CERS6: variants seen among roughly 807,000 people sequenced by gnomAD.
The protein encoded by CERS6 is LAG1 homolog, ceramide synthase 6.
A neutral mutation model predicts 56.8 loss-of-function variants in CERS6; 26 were observed. The ratio of observed to expected loss-of-function variants is 0.46; its 90% CI spans 0.34 to 0.63. The LOEUF (loss-of-function observed/expected upper bound fraction) is 0.63, where lower values mean the gene tolerates loss of function less well. CERS6 is among the 30% of genes least tolerant of loss of function. The pLI, the probability that CERS6 is intolerant of heterozygous loss-of-function variation, is 0.01. For synonymous variants in CERS6, 164 were observed against 173.3 expected (o/e 0.95, Z 0.42); for missense variants, 415 against 467.5 (o/e 0.89, Z 1.04).
intron 8 of CERS6, among the ~76,000 whole-genome samples, chr2:168,737,999 AAC>A (rs879589769): frequency 2.0e-5 from 3 of 152,216 alleles, no homozygotes; most frequent in Non-Finnish European, 4.4e-5. Flanking sequence ...TATAGATGCA[AAC>A]ACACTGACCA....
chr2:168,540,963 G>A (rs1395395383), intron 1 of CERS6, among the ~76,000 whole-genome samples: 2 of 152,250 alleles, frequency 1.3e-5, no homozygotes, highest in Non-Finnish European at 1.5e-5. Context: ...TAAAGAACAT[G>A]TTTATTTAGC....
At chr2:168,547,799 T>G in intron 2 of CERS6, 98 bp downstream of exon 2, 1 of 827,782 alleles carries the variant, frequency 1.2e-6, no homozygotes, top group Non-Finnish European at 2.0e-6. Context: ...AGAATCAACT[T>G]TTGCCTAGCC....
intron 8 of CERS6, among the ~76,000 whole-genome samples, chr2:168,759,475 T>A (rs901207527): frequency 6.6e-6 from 1 of 152,124 alleles, no homozygotes; most frequent in East Asian, 1.9e-4. Context: ...GCCTCTATAC[T>A]CTCCATTAGA....
At chr2:168,534,089 A>AAACTGGTT (rs768678778) in intron 1 of CERS6, among the ~76,000 whole-genome samples, 26 of 152,014 alleles carry the variant, frequency 1.7e-4, no homozygotes, top group Admixed American at 5.2e-4. Flanking sequence ...GTTCCTCTCT[A>AAACTGGTT]AACTGGTTAT....
chr2:168,645,136 TATATATAGAGAGAGAGAG>T (rs1222668349), intron 4 of CERS6, among the ~76,000 whole-genome samples: 10 of 35,492 alleles, frequency 2.8e-4, no homozygotes, highest in African/African-American at 1.2e-3. Context: ...TATATATATA[TATATATAGAGAGAGAGAG>T]AGAGAGAGAG....
At chr2:168,619,885 GT>G (rs1419281468) in intron 3 of CERS6, among the ~76,000 whole-genome samples, 1 of 151,004 alleles carries the variant, frequency 6.6e-6, no homozygotes, top group African/African-American at 2.4e-5. Context: ...GCACACTCAT[GT>G]TTATAGCTGC....
intron 4 of CERS6, among the ~76,000 whole-genome samples, chr2:168,682,542 T>G (rs1418913463): frequency 6.6e-6 from 1 of 151,294 alleles, no homozygotes; most frequent in Admixed American, 6.6e-5. Flanking sequence ...AGTGAGCAGT[T>G]GCATGCACCC....
intron 5 of CERS6, 25 bp downstream of exon 5, chr2:168,691,109 T>G (rs879531484): frequency 3.0e-5 from 48 of 1,604,702 alleles, no homozygotes; most frequent in Non-Finnish European, 4.0e-5. Flanking sequence ...TTGTCTGGGT[T>G]TTTACACACA....
At chr2:168,572,746 A>C (rs1340066023) in intron 3 of CERS6, among the ~76,000 whole-genome samples, 2 of 152,040 alleles carry the variant, frequency 1.3e-5, no homozygotes, top group African/African-American at 2.4e-5. Flanking sequence ...CTACTAGAGC[A>C]CTTGGAGACT....
intron 8 of CERS6, among the ~76,000 whole-genome samples, chr2:168,758,905 C>T (rs1002724497): frequency 5.9e-5 from 9 of 151,948 alleles, no homozygotes; most frequent in Admixed American, 5.2e-4. Flanking sequence ...CGAATCGGTA[C>T]GGCCTTAAGT....
chr2:168,474,836 A>C (rs1004334860), intron 1 of CERS6, among the ~76,000 whole-genome samples: 1 of 152,220 alleles, frequency 6.6e-6, no homozygotes, highest in African/African-American at 2.4e-5. Context: ...TTTACAACAA[A>C]TAAAAGTCAA....
At chr2:168,525,853 A>G (rs925488657) in intron 1 of CERS6, among the ~76,000 whole-genome samples, 3 of 152,228 alleles carry the variant, frequency 2.0e-5, no homozygotes. Context: ...CCCCTTAGGA[A>G]AATGCCTCAT....
chr2:168,509,663 A>G (rs1351009850), intron 1 of CERS6, among the ~76,000 whole-genome samples: 4 of 152,228 alleles, frequency 2.6e-5, no homozygotes, highest in African/African-American at 7.2e-5. Flanking sequence ...ATGAAATTAT[A>G]TAATAGATGA....
At chr2:168,485,455 A>G (rs574547562) in intron 1 of CERS6, among the ~76,000 whole-genome samples, 1 of 152,294 alleles carries the variant, frequency 6.6e-6, no homozygotes, top group South Asian at 2.1e-4. Context: ...CTATCAGAAT[A>G]GTTCTACTGC....
intron 6 of CERS6, among the ~76,000 whole-genome samples, chr2:168,695,564 C>G (rs1354510569): frequency 6.6e-6 from 1 of 152,190 alleles, no homozygotes; most frequent in Non-Finnish European, 1.5e-5. Context: ...GTTAAATCCA[C>G]TTATTCTGGC....
intron 4 of CERS6, among the ~76,000 whole-genome samples, chr2:168,656,460 A>G (rs1685471941): frequency 6.7e-6 from 1 of 149,512 alleles, no homozygotes; most frequent in Non-Finnish European, 1.5e-5. Context: ...TGATGTTCAG[A>G]TGTGTTCGGA....
chr2:168,677,323 T>C (rs991117874), intron 4 of CERS6, among the ~76,000 whole-genome samples: 1 of 152,110 alleles, frequency 6.6e-6, no homozygotes, highest in Non-Finnish European at 1.5e-5. Context: ...TCCAGCTTCA[T>C]CCATGTCCCT....
At chr2:168,652,695 A>G (rs1685375245) in intron 4 of CERS6, among the ~76,000 whole-genome samples, 1 of 152,160 alleles carries the variant, frequency 6.6e-6, no homozygotes, top group Admixed American at 6.5e-5. Flanking sequence ...ATAAGAGACA[A>G]GAATAAACCA....
At chr2:168,491,954 C>CT (rs1365262988) in intron 1 of CERS6, among the ~76,000 whole-genome samples, 1 of 152,182 alleles carries the variant, frequency 6.6e-6, no homozygotes, top group East Asian at 1.9e-4. Context: ...TGAACTTATC[C>CT]TTTTTTATGG....
Sources: allele counts gnomAD v4.1 joint callset (sites outside exome capture counted in the v4.1 genomes callset), GRCh38; gene constraint gnomAD v4.1.1; transcripts MANE v1.5; gene names NCBI Gene and HGNC (gene_info 2026-07-23, HGNC 2026-07-21).